PGM5: variants seen among roughly 807,000 people sequenced by gnomAD.
PGM5 encodes the protein phosphoglucomutase 5, also known as phosphoglucomutase-like protein 5.
Under a neutral mutation model 59.2 loss-of-function variants are expected in PGM5, and 23 were observed. That is an observed-to-expected ratio of 0.39 (90% CI 0.28 to 0.55). The LOEUF (loss-of-function observed/expected upper bound fraction) is 0.55, where lower values mean the gene tolerates loss of function less well. Ranked by LOEUF, PGM5 falls within the 20% of genes least tolerant of loss-of-function variation. The probability of loss-of-function intolerance (pLI) is 0.66; values close to 1 mark genes in which losing one functional copy is unlikely to be tolerated. For synonymous variants in PGM5, 214 were observed against 286.0 expected, an observed-to-expected ratio of 0.75 and a Z score of 2.54; for missense variants, 574 against 748.3, an observed-to-expected ratio of 0.77 and a Z score of 2.72.
chr9:68,489,683 T>TCTCAAACTCCTGAC lies in PGM5; in HGVS notation c.1479+5641_1479+5654dup, dbSNP rs567960843. Among the ~76,000 whole-genome samples, 37 of 152,174 alleles carry TCTCAAACTCCTGAC rather than the reference T, an allele frequency of 2.4e-4. 1 individual carries two copies. The South Asian group carries it at 7.5e-3, about 31-fold the overall frequency. On this transcript the variant is annotated intron_variant, in intron 9 of 10. Coordinates refer to ENST00000396396, the MANE Select transcript of PGM5 (RefSeq NM_021965.4). ...GGTTTTACCATGTTGGCCAGTCTGATCTCAAACTCCTGACCTCAAGTGATC... is the reference window on the plus strand; with the variant it reads ...GGTTTTACCATGTTGGCCAGTCTGATCTCAAACTCCTGACCTCAAACTCCTGACCTCAAGTGATC...
chr9:68,413,853 T>C (rs544377854), intron 6 of PGM5, among the ~76,000 whole-genome samples: 14 of 152,224 alleles, frequency 9.2e-5, no homozygotes, highest in African/African-American at 3.4e-4. Context: ...TGGTGTAGGG[T>C]AGATCAATCA....
intron 9 of PGM5, among the ~76,000 whole-genome samples, chr9:68,484,573 CACACAAA>C (rs1159983411): frequency 1.7e-4 from 25 of 147,278 alleles, no homozygotes; most frequent in Admixed American, 8.0e-4. Flanking sequence ...CACACACACA[CACACAAA>C]ACAAAACAAA....
chr9:68,421,131 G>C (rs1823121932), intron 6 of PGM5, among the ~76,000 whole-genome samples: 1 of 152,214 alleles, frequency 6.6e-6, no homozygotes, highest in Admixed American at 6.5e-5. Flanking sequence ...GTGTTACAAA[G>C]GGGAGACGAG....
At chr9:68,504,604 C>T (rs1057433766) in intron 10 of PGM5, among the ~76,000 whole-genome samples, 2 of 152,188 alleles carry the variant, frequency 1.3e-5, no homozygotes, top group African/African-American at 2.4e-5. Context: ...CCTTACTTCT[C>T]AGTAAGGGTG....
chr9:68,506,712 A>G (rs1284828294), intron 10 of PGM5, among the ~76,000 whole-genome samples: 1 of 152,222 alleles, frequency 6.6e-6, no homozygotes, highest in African/African-American at 2.4e-5. Context: ...ATATGATGTG[A>G]AAGAGAAACA....
chr9:68,415,249 A>G (rs1485639679), intron 6 of PGM5, among the ~76,000 whole-genome samples: 1 of 149,438 alleles, frequency 6.7e-6, no homozygotes, highest in Non-Finnish European at 1.5e-5. Flanking sequence ...CTGAAGACCT[A>G]GAGAACTGGG....
intron 7 of PGM5, among the ~76,000 whole-genome samples, chr9:68,469,126 C>T (rs1257087625): frequency 2.0e-5 from 3 of 152,166 alleles, no homozygotes; most frequent in Admixed American, 2.0e-4. Flanking sequence ...CCATATTGGC[C>T]AGGCTGGTCT....
chr9:68,499,733 A>C (rs1314162371), intron 10 of PGM5, among the ~76,000 whole-genome samples: 1 of 152,180 alleles, frequency 6.6e-6, no homozygotes, highest in East Asian at 1.9e-4. Flanking sequence ...GTAACTTTTG[A>C]ATCTCCAGAC....
intron 6 of PGM5, among the ~76,000 whole-genome samples, chr9:68,438,954 G>A (rs1459760410): frequency 2.0e-5 from 3 of 152,132 alleles, no homozygotes; most frequent in Non-Finnish European, 2.9e-5. Flanking sequence ...CCTAAAACTT[G>A]GAGGGAGGAA....
At chr9:68,422,587 G>A (rs1213209461) in intron 6 of PGM5, among the ~76,000 whole-genome samples, 2 of 151,822 alleles carry the variant, frequency 1.3e-5, no homozygotes, top group Admixed American at 6.6e-5. Context: ...CCACCTAGCC[G>A]GGCCCGGTGT....
At chr9:68,512,725 C>T (rs1824768870) in intron 10 of PGM5, among the ~76,000 whole-genome samples, 1 of 152,202 alleles carries the variant, frequency 6.6e-6, no homozygotes, top group Non-Finnish European at 1.5e-5. Context: ...AATAATGTCA[C>T]ATTCTGAGGT....
chr9:68,384,994 T>C (rs1314502749), intron 3 of PGM5, among the ~76,000 whole-genome samples: 1 of 152,000 alleles, frequency 6.6e-6, no homozygotes, highest in Non-Finnish European at 1.5e-5. Context: ...GAATGCATAA[T>C]TATTGATCAC....
chr9:68,524,325 T>C (rs891364876), intron 10 of PGM5, among the ~76,000 whole-genome samples: 1 of 152,158 alleles, frequency 6.6e-6, no homozygotes, highest in African/African-American at 2.4e-5. Flanking sequence ...CTGTAGCCTG[T>C]CTACATTAAT....
intron 7 of PGM5, among the ~76,000 whole-genome samples, chr9:68,471,922 A>T (rs1824025380): frequency 6.6e-6 from 1 of 152,012 alleles, no homozygotes; most frequent in African/African-American, 2.4e-5. Context: ...CCATCTCAAA[A>T]AAAAAGGACA....
intron 6 of PGM5, among the ~76,000 whole-genome samples, chr9:68,411,298 G>C (rs548303081): frequency 6.6e-6 from 1 of 152,060 alleles, no homozygotes; most frequent in Admixed American, 6.6e-5. Context: ...GCTGAGGCTG[G>C]AGGATTGCTT....
chr9:68,423,668 TCTCTC>T (rs1823185973), intron 6 of PGM5, among the ~76,000 whole-genome samples: 1 of 151,790 alleles, frequency 6.6e-6, no homozygotes, highest in Non-Finnish European at 1.5e-5. Flanking sequence ...TCTCTCTCTC[TCTCTC>T]TCTCTCTCTG....
chr9:68,389,144 A>G (rs1168944304), intron 4 of PGM5, among the ~76,000 whole-genome samples: 1 of 151,792 alleles, frequency 6.6e-6, no homozygotes, highest in African/African-American at 2.4e-5. Flanking sequence ...TTATATTTTT[A>G]ATTTCCCAAA....
At chr9:68,515,715 A>G (rs1824814204) in intron 10 of PGM5, among the ~76,000 whole-genome samples, 1 of 152,192 alleles carries the variant, frequency 6.6e-6, no homozygotes, top group East Asian at 1.9e-4. Context: ...AGCTGGGAAC[A>G]CCCCAACATT....
At chr9:68,413,480 T>C (rs1349464501) in intron 6 of PGM5, among the ~76,000 whole-genome samples, 9 of 152,338 alleles carry the variant, frequency 5.9e-5, no homozygotes, top group South Asian at 4.1e-4. Flanking sequence ...ATACCTGCCT[T>C]TTCTGGCTAA....
Sources: gnomAD v4.1 joint callset for allele counts (sites outside exome capture counted in the v4.1 genomes callset) on GRCh38, gnomAD v4.1.1 for gene constraint, MANE v1.5 for transcripts, NCBI Gene and HGNC (gene_info 2026-07-23, HGNC 2026-07-21) for gene names.